Variants in ZNF185 observed in about 807,000 individuals in gnomAD.
The protein encoded by ZNF185 is zinc finger protein 185.
ZNF185 carries 56 observed loss-of-function variants against 58.6 expected under a neutral mutation model. That is an observed-to-expected ratio of 0.95 (90% CI 0.77 to 1.19). The LOEUF (loss-of-function observed/expected upper bound fraction) is 1.19. Among genes scored for constraint, ZNF185 ranks in the 50% most tolerant of loss-of-function variants. The pLI is 0.00. For synonymous variants in ZNF185, 230 were observed against 215.9 expected, an observed-to-expected ratio of 1.07 and a Z score of -0.57; for missense variants, 627 against 573.5, an observed-to-expected ratio of 1.09 and a Z score of -0.95.
rs1556908842 is a variant in ZNF185, at chrX:152,959,878, G to A, written c.1589G>A (p.Arg530Gln). The stretch of plus-strand genomic sequence containing the variant: ...AGCGGATCTGAGCAATTCGTCAGAC[G>A]AGAGAGCTGCACCAGCAGGTACGAG... Residue 530 changes from arginine (R) to glutamine (Q), a missense_variant, in exon 17 of 23, where the codon CGA becomes CAA. Coordinates refer to ENST00000449285, the Ensembl canonical transcript of ZNF185. 9.9e-6 allele frequency: 12 copies of A among 1,210,523 alleles called. 1 individual carries two copies. Among genetic ancestry groups the A allele is most frequent in the African/African-American group, 8.7e-5 (5 of 57,800 alleles).
the ZNF185 span, among the ~76,000 whole-genome samples, chrX:152,901,195 C>G: frequency 4.6e-4 from 51 of 111,236 alleles, no homozygotes; most frequent in South Asian, 1.1e-3. Context: ...AGGGTGATTT[C>G]TCATGCCTAC....
chrX:152,918,876 C>T (rs16996799), intron 6 of ZNF185, 107 bp from the exon 8 acceptor site: 122,832 of 563,877 alleles, frequency 0.22, 9,605 homozygotes, highest in South Asian at 0.3. Flanking sequence ...GACCTAAGGC[C>T]CAAAGGCAGA....
intron 14 of ZNF185, among the ~76,000 whole-genome samples, chrX:152,933,341 C>A (rs1384866608): frequency 8.9e-6 from 1 of 112,306 alleles, no homozygotes; most frequent in Non-Finnish European, 1.9e-5. Context: ...GAGTCGGCAC[C>A]TTCTTACTTC....
In ZNF185 at chrX:152,915,039, ATGGCAGGACT is replaced by A. The variant is rs781906629; in HGVS notation, c.159-96_159-87del. The A allele has an allele frequency of 7.4e-5, 78 of 1,053,632 alleles. No individual in the cohort carries two copies. In the East Asian group the frequency reaches 2.4e-3, roughly 32 times the overall value. 86.8% of individuals were successfully genotyped at this position (1,053,632 alleles called of 1,213,427 possible). ...CTGGGAAGGAGAATGTGTGGCAGAA[ATGGCAGGACT>A]TGCTGGGCAGCCTCTAGGATGGAGG... On this transcript the variant is annotated intron_variant, in intron 2 of 22. Transcript: ENST00000449285.
At chrX:152,959,817 G>T in exon 17 of ZNF185, 1 of 1,211,873 alleles carries the variant, frequency 8.3e-7, no homozygotes. Context: ...TCAGCAACCT[G>T]CAGATCCCAG....
At chrX:152,941,528 G>C in intron 15 of ZNF185, 1 of 435,315 alleles carries the variant, frequency 2.3e-6, no homozygotes, top group South Asian at 1.2e-4. Flanking sequence ...TGGGTAGCGG[G>C]CACAGGACGT....
chrX:152,969,426 A>G lies in ZNF185; in HGVS notation c.1916A>G (p.Asp639Gly), dbSNP rs782418863. 1.1e-5 allele frequency: 13 copies of G among 1,207,655 alleles called. No individual in the cohort carries two copies. The Admixed American group carries it at 2.6e-4, about 24-fold the overall frequency. The change falls in exon 21 of 23, where the codon GAC (aspartate) becomes GGC (glycine). Residue 639 changes from aspartate (D) to glycine (G), a missense_variant. Asp to Gly is a moderately conservative substitution (Grantham distance 94). Transcript: ENST00000449285. ...ACTTACTGCAACCGTGAGATCCGAG[A>G]CTGTCCAAAGATTACCCTAGAACAT...
At chrX:152,906,580 C>G in the ZNF185 span, among the ~76,000 whole-genome samples, 14 of 113,127 alleles carry the variant, frequency 1.2e-4, no homozygotes, top group East Asian at 3.1e-3. Context: ...CTGTGTCCCC[C>G]TTCTTGCCCT....
chrX:152,911,140 G>A (rs886900155), upstream of ZNF185, among the ~76,000 whole-genome samples: 3 of 111,922 alleles, frequency 2.7e-5, 1 homozygote, highest in African/African-American at 9.8e-5. Flanking sequence ...AGTTAGGGGA[G>A]GGGAGCACCC....
chrX:152,915,770 G>A (rs781874421), intron 3 of ZNF185, among the ~76,000 whole-genome samples: 2 of 112,452 alleles, frequency 1.8e-5, no homozygotes, highest in South Asian at 7.4e-4. Context: ...CAGTGTCTAG[G>A]GGGGCTCTGA....
chrX:152,963,749 C>G, intron 17 of ZNF185, 90 bp from the exon 20 acceptor site: 1 of 813,427 alleles, frequency 1.2e-6, no homozygotes, highest in Non-Finnish European at 1.7e-6. Context: ...AAGAGCAGTG[C>G]TCAAGGGTTA....
At chrX:152,909,989 C>A (rs1556860687), upstream of ZNF185, among the ~76,000 whole-genome samples, 1 of 106,276 alleles carries the variant, frequency 9.4e-6, no homozygotes, top group Non-Finnish European at 1.9e-5. Context: ...CTCACTGCAA[C>A]CTCCGCCTCC....
Position 152,938,568 on chromosome X carries a change from T to G in ZNF185, c.1211+405T>G, listed in dbSNP as rs1556884956. On this transcript the variant is annotated intron_variant, in intron 15 of 22. Coordinates refer to ENST00000449285, the Ensembl canonical transcript of ZNF185. ...GGGGAAGGGGGCTTCATGGGGACTG[T>G]ATGTAGCTGGATGTGGTCAGCGATG... 2.7e-5 allele frequency among the ~76,000 whole-genome samples: 3 copies of G among 110,873 alleles called. 1 individual carries two copies. Among genetic ancestry groups the G allele is most frequent in the East Asian group, 2.8e-4 (1 of 3,534 alleles).
the ZNF185 span, among the ~76,000 whole-genome samples, chrX:152,905,884 G>C: frequency 1.1e-4 from 12 of 111,676 alleles, no homozygotes; most frequent in African/African-American, 3.6e-4. Context: ...CTCCCCTCCA[G>C]GGACTCCCCT....
Position 152,938,919 on chromosome X carries a change from G to A in ZNF185, c.1211+756G>A, listed in dbSNP as rs782154541. Among the ~76,000 whole-genome samples, 154 of 98,578 alleles carry A rather than the reference G, an allele frequency of 1.6e-3. 3 individuals carry two copies. The highest frequency in any genetic ancestry group is 1.4e-3 in the Non-Finnish European group (62 of 45,711). The allele number at this position is 98,578 out of a possible 115,157, so 85.6% of individuals were successfully genotyped here. On this transcript the variant is annotated intron_variant, in intron 15 of 22. Coordinates refer to ENST00000449285, the Ensembl canonical transcript of ZNF185. ...GGCGATCTCCTCTAAAGAGGAGAAG[G>A]AGCCAACTCTAGAAAGAACACGGTG...
intron 11 of ZNF185, among the ~76,000 whole-genome samples, chrX:152,924,733 C>T (rs1002863463): frequency 8.9e-6 from 1 of 112,353 alleles, no homozygotes; most frequent in Admixed American, 9.4e-5. Flanking sequence ...CAGGCTCTGT[C>T]GAGTACAGTG....
At chrX:152,915,271 C>T in intron 3 of ZNF185, 68 bp downstream of exon 4, 1 of 1,108,324 alleles carries the variant, frequency 9.0e-7, no homozygotes, top group East Asian at 3.1e-5. Context: ...GGGGCCAGCC[C>T]TCAACAGGGA....
exon 17 of ZNF185, chrX:152,959,779 G>C (rs1556908569): frequency 5.8e-6 from 7 of 1,211,920 alleles, no homozygotes; most frequent in Non-Finnish European, 7.8e-6. Context: ...GCCCCAAGAG[G>C]TGGCCAAGGA....
At chrX:152,921,415 C>T (rs1192828807) in intron 9 of ZNF185, among the ~76,000 whole-genome samples, 1 of 109,795 alleles carries the variant, frequency 9.1e-6, no homozygotes, top group Admixed American at 9.7e-5. Context: ...AGGCAGAGGG[C>T]CCCAGTGCAC....
Sources: allele counts gnomAD v4.1 joint callset (sites outside exome capture counted in the v4.1 genomes callset), GRCh38; gene constraint gnomAD v4.1.1; transcripts MANE v1.5; gene names NCBI Gene and HGNC (gene_info 2026-07-23, HGNC 2026-07-21).